Variants in NLGN1 observed in about 807,000 individuals in gnomAD.
NLGN1 encodes the protein neuroligin 1.
In NLGN1, 12 loss-of-function variants were observed where a neutral mutation model predicts 65.5. That is an observed-to-expected ratio of 0.18 (90% CI 0.12 to 0.30). The LOEUF is 0.30. NLGN1 is among the 10% of genes least tolerant of loss of function. The pLI is 1.00. For missense variants in NLGN1, 750 were observed against 1,007.1 expected, an observed-to-expected ratio of 0.74 and a Z score of 3.46; for synonymous variants, 350 against 359.5, an observed-to-expected ratio of 0.97 and a Z score of 0.30.
chr3:173,967,677 A>G (rs887551170), intron 4 of NLGN1, among the ~76,000 whole-genome samples: 6 of 152,142 alleles, frequency 3.9e-5, no homozygotes, highest in African/African-American at 1.4e-4. Flanking sequence ...ATGATTCTCA[A>G]TCCTTCTGAA....
intron 3 of NLGN1, among the ~76,000 whole-genome samples, chr3:173,778,205 T>C (rs1167769183): frequency 6.6e-6 from 1 of 151,916 alleles, no homozygotes; most frequent in African/African-American, 2.4e-5. Flanking sequence ...TATACTTACA[T>C]TGACAAATAT....
At chr3:174,184,149 C>G (rs1256181924) in intron 4 of NLGN1, among the ~76,000 whole-genome samples, 1 of 151,646 alleles carries the variant, frequency 6.6e-6, no homozygotes, top group Non-Finnish European at 1.5e-5. Flanking sequence ...TAACACTAGA[C>G]AAAAAATATG....
chr3:174,059,601 G>C (rs1481840464), intron 4 of NLGN1, among the ~76,000 whole-genome samples: 1 of 152,014 alleles, frequency 6.6e-6, no homozygotes, highest in East Asian at 1.9e-4. Context: ...GACTTTTCTT[G>C]GTAAAAATGG....
chr3:174,208,985 A>G (rs1735941083), intron 4 of NLGN1, among the ~76,000 whole-genome samples: 1 of 151,492 alleles, frequency 6.6e-6, no homozygotes. Flanking sequence ...GTGTAGTGGC[A>G]TGGTCTAGGC....
At chr3:174,284,114 A>G (rs1049408036) in exon 7 of NLGN1, 3 of 151,348 alleles carry the variant, frequency 2.0e-5, no homozygotes, top group Non-Finnish European at 4.4e-5. Flanking sequence ...ATGATTGAGG[A>G]AAACAAAGCA....
In NLGN1 at chr3:174,280,297, A is replaced by G. The variant is rs1384508252; in HGVS notation, c.1650-184A>G. 6.6e-6 allele frequency among the ~76,000 whole-genome samples: 1 copy of G among 151,970 alleles called. No individual in the cohort carries two copies. On this transcript the variant is annotated intron_variant, in intron 6 of 6. Transcript: ENST00000457714. This position sits in a 1 kb window ranked among gnomAD's most constrained non-coding sequence, Gnocchi z 4.9. ...AGAATGTGAGACTTACTTGCCTTCC[A>G]TTATCACCCATCTAACAATATGCCT...
chr3:173,854,116 G>T (rs1223416609), intron 4 of NLGN1, among the ~76,000 whole-genome samples: 2 of 151,938 alleles, frequency 1.3e-5, no homozygotes, highest in Non-Finnish European at 2.9e-5. Flanking sequence ...AGAATTTCAT[G>T]TTAAGTTTTT....
intron 3 of NLGN1, among the ~76,000 whole-genome samples, chr3:173,759,862 A>G (rs1049295513): frequency 3.3e-5 from 5 of 151,894 alleles, no homozygotes; most frequent in African/African-American, 1.2e-4. Flanking sequence ...ATTGTTATTT[A>G]TCTCCCAAAT....
At chr3:173,479,550 C>T (rs1199644041) in intron 2 of NLGN1, among the ~76,000 whole-genome samples, 1 of 152,130 alleles carries the variant, frequency 6.6e-6, no homozygotes, top group African/African-American at 2.4e-5. Context: ...CCGGATTCTA[C>T]TTGCATTTTA....
intron 4 of NLGN1, among the ~76,000 whole-genome samples, chr3:174,114,285 CA>C (rs1485605157): frequency 6.6e-6 from 1 of 152,112 alleles, no homozygotes; most frequent in Non-Finnish European, 1.5e-5. Context: ...ATTGCAGTAG[CA>C]AACATATTTT....
chr3:173,825,415 A>C (rs1244175389), intron 4 of NLGN1, among the ~76,000 whole-genome samples: 2 of 152,044 alleles, frequency 1.3e-5, no homozygotes, highest in Non-Finnish European at 2.9e-5. Flanking sequence ...CATTTTGTTC[A>C]ATTTCAACAT....
intron 4 of NLGN1, among the ~76,000 whole-genome samples, chr3:173,861,887 T>C (rs1038578744): frequency 1.3e-5 from 2 of 151,320 alleles, no homozygotes; most frequent in Non-Finnish European, 2.9e-5. Context: ...GCCTCCCGAG[T>C]AGCTGGGATT....
chr3:174,081,600 T>G (rs1262164501), intron 4 of NLGN1, among the ~76,000 whole-genome samples: 4 of 59,496 alleles, frequency 6.7e-5, no homozygotes, highest in Admixed American at 3.4e-4. Context: ...TTAGGTTGTT[T>G]TTTTTTTTTT....
At chr3:173,992,990 TA>T (rs1361601565) in intron 4 of NLGN1, among the ~76,000 whole-genome samples, 1 of 152,208 alleles carries the variant, frequency 6.6e-6, no homozygotes, top group Non-Finnish European at 1.5e-5. Flanking sequence ...TTGTGTGGCG[TA>T]ATAGTACAAG....
At chr3:173,795,895 T>G (rs1713946463) in intron 3 of NLGN1, among the ~76,000 whole-genome samples, 1 of 152,074 alleles carries the variant, frequency 6.6e-6, no homozygotes, top group African/African-American at 2.4e-5. Flanking sequence ...TACAATCAGT[T>G]TACTTCAAAG....
At chr3:173,583,596 T>C (rs1746746749) in intron 2 of NLGN1, among the ~76,000 whole-genome samples, 2 of 152,212 alleles carry the variant, frequency 1.3e-5, no homozygotes, top group Admixed American at 6.5e-5. Flanking sequence ...TTCTCTAGTT[T>C]ACTAGGCCCA....
At position 173,560,360 on chromosome 3, in the gene NLGN1, AAAGG is replaced by A. The variant is rs139990707; in HGVS notation, c.-320-43907_-320-43904del. On this transcript the variant is annotated intron_variant, in intron 2 of 6. Coordinates refer to ENST00000457714, the Ensembl canonical transcript of NLGN1. ...AGAGAAAGAAAAGAAGCAAGGAAGA[AAAGG>A]AAGGAAGGAAGAAAGAGAAGGAAAT... Among the ~76,000 whole-genome samples, 580 of 152,204 alleles carry A rather than the reference AAAGG, an allele frequency of 3.8e-3. 1 individual carries two copies. The highest frequency in any genetic ancestry group is 0.013 in the African/African-American group (544 of 41,522).
chr3:173,723,967 G>A (rs549333132), intron 3 of NLGN1, among the ~76,000 whole-genome samples: 1 of 152,310 alleles, frequency 6.6e-6, no homozygotes, highest in African/African-American at 2.4e-5. Flanking sequence ...ATAATTGGAT[G>A]AAAGGGATAG....
At position 173,536,767 on chromosome 3, in the gene NLGN1, G is replaced by A. The variant is rs187424032; in HGVS notation, c.-320-67512G>A. ...GGGATATGTGTGTGCACGAGTGTGCGTGTGTGTGTGTGTGCGTAGGGAGAG... is the reference window on the plus strand; with the variant it reads ...GGGATATGTGTGTGCACGAGTGTGCATGTGTGTGTGTGTGCGTAGGGAGAG... On this transcript the variant is annotated intron_variant, in intron 2 of 6. Coordinates refer to ENST00000457714, the Ensembl canonical transcript of NLGN1. Among the ~76,000 whole-genome samples the A allele has an allele frequency of 2.7e-3, 406 of 149,898 alleles. 1 individual carries two copies. The highest frequency in any genetic ancestry group is 9.3e-3 in the African/African-American group (369 of 39,742).
Sources: gnomAD v4.1 joint callset for allele counts (sites outside exome capture counted in the v4.1 genomes callset) on GRCh38, gnomAD v4.1.1 for gene constraint, Gnocchi (gnomAD v3.1) non-coding constraint, MANE v1.5 for transcripts, NCBI Gene and HGNC (gene_info 2026-07-23, HGNC 2026-07-21) for gene names.